The following RORA variants were observed in gnomAD, a reference collection of about 807,000 sequenced individuals.
RORA encodes RAR related orphan receptor A, also known as nuclear receptor ROR-alpha.
Under a neutral mutation model 69.5 loss-of-function variants are expected in RORA, and 7 were observed. The ratio of observed to expected loss-of-function variants is 0.10; its 90% CI spans 0.06 to 0.19. The LOEUF (loss-of-function observed/expected upper bound fraction) is 0.19. RORA is among the 10% of genes least tolerant of loss of function. RORA has a pLI of 1.00. For synonymous variants in RORA, 261 were observed against 240.8 expected (o/e 1.08, Z -0.78); for missense variants, 457 against 663.0 (o/e 0.69, Z 3.41).
chr15:60,516,669 T>TG (rs1343652770), intron 3 of RORA, among the ~76,000 whole-genome samples: 1 of 152,108 alleles, frequency 6.6e-6, no homozygotes, highest in Non-Finnish European at 1.5e-5. Context: ...ATTTGGCAGT[T>TG]GTATCAAAAA....
chr15:61,000,480 G>C (rs1024706948), intron 1 of RORA, among the ~76,000 whole-genome samples: 2 of 152,152 alleles, frequency 1.3e-5, no homozygotes, highest in Admixed American at 6.5e-5. Flanking sequence ...CAGGATCACA[G>C]GTTCAAAGGC....
intron 1 of RORA, among the ~76,000 whole-genome samples, chr15:60,856,634 AG>A (rs2073383703): frequency 6.6e-6 from 1 of 152,232 alleles, no homozygotes; most frequent in Non-Finnish European, 1.5e-5. Flanking sequence ...GCTTGAATCA[AG>A]GGGGAAGAAA....
At chr15:60,745,768 A>G (rs1376107360) in intron 1 of RORA, among the ~76,000 whole-genome samples, 1 of 152,108 alleles carries the variant, frequency 6.6e-6, no homozygotes, top group Non-Finnish European at 1.5e-5. Context: ...CACCTGCTTC[A>G]TTTTTTTCCC....
At chr15:60,720,211 G>T (rs553967050) in intron 1 of RORA, among the ~76,000 whole-genome samples, 18 of 152,230 alleles carry the variant, frequency 1.2e-4, no homozygotes, top group African/African-American at 3.4e-4. Flanking sequence ...ACCCATGAAG[G>T]TCTCTTGAGT....
intron 1 of RORA, among the ~76,000 whole-genome samples, chr15:60,993,687 T>C (rs945263357): frequency 6.8e-6 from 1 of 147,662 alleles, no homozygotes; most frequent in Non-Finnish European, 1.5e-5. Flanking sequence ...CTACCTTAAA[T>C]GTTGTAGATA....
intron 1 of RORA, among the ~76,000 whole-genome samples, chr15:60,880,377 A>G (rs2073665278): frequency 6.6e-6 from 1 of 152,244 alleles, no homozygotes; most frequent in Non-Finnish European, 1.5e-5. Context: ...ACGGTGGCTC[A>G]TGCCTATAAT....
chr15:61,039,728 G>C (rs974830137), intron 1 of RORA, among the ~76,000 whole-genome samples: 4 of 139,242 alleles, frequency 2.9e-5, no homozygotes, highest in African/African-American at 1.1e-4. Flanking sequence ...CTGGGCGACA[G>C]AGTGAGACTC....
chr15:60,609,739 G>T (rs1466965689), intron 2 of RORA, among the ~76,000 whole-genome samples: 1 of 152,198 alleles, frequency 6.6e-6, no homozygotes, highest in African/African-American at 2.4e-5. Flanking sequence ...CCAAAGAGGG[G>T]TCTCCACGGT....
chr15:60,710,445 G>A (rs982090052), intron 1 of RORA, among the ~76,000 whole-genome samples: 1 of 152,074 alleles, frequency 6.6e-6, no homozygotes, highest in Non-Finnish European at 1.5e-5. Context: ...CCGAGATGGC[G>A]CCATTGCACT....
At chr15:61,155,711 A>T (rs1402581358) in intron 1 of RORA, among the ~76,000 whole-genome samples, 1 of 152,190 alleles carries the variant, frequency 6.6e-6, no homozygotes, top group Non-Finnish European at 1.5e-5. Context: ...GGGAAAAAAA[A>T]TAATAGTTTC....
chr15:61,068,935 T>A (rs931174228), intron 1 of RORA, among the ~76,000 whole-genome samples: 69 of 152,348 alleles, frequency 4.5e-4, no homozygotes, highest in African/African-American at 1.6e-3. Context: ...CATTTCCCCC[T>A]GACAATATAG....
chr15:60,778,627 G>C (rs1352610082), intron 1 of RORA, among the ~76,000 whole-genome samples: 1 of 152,062 alleles, frequency 6.6e-6, no homozygotes, highest in Non-Finnish European at 1.5e-5. Flanking sequence ...GAAGGTAGGG[G>C]GTCAGGAACT....
intron 1 of RORA, among the ~76,000 whole-genome samples, chr15:60,763,096 T>TTTTTA (rs375632043): frequency 0.027 from 2,920 of 109,156 alleles, 299 homozygotes; most frequent in Non-Finnish European, 0.044. Context: ...TTTTTTTTTT[T>TTTTTA]AACCAACCTA....
chr15:60,644,014 T>C (rs1472297208), intron 2 of RORA, among the ~76,000 whole-genome samples: 2 of 151,996 alleles, frequency 1.3e-5, no homozygotes, highest in African/African-American at 4.8e-5. Flanking sequence ...TCCCAGGAAG[T>C]TACTAGAATA....
intron 1 of RORA, among the ~76,000 whole-genome samples, chr15:61,112,718 C>T (rs937472520): frequency 2.6e-5 from 4 of 152,188 alleles, no homozygotes; most frequent in African/African-American, 9.7e-5. Flanking sequence ...TTCCAACTAC[C>T]TGCAGGGACA....
chr15:60,731,424 G>C (rs1202295897), intron 1 of RORA, among the ~76,000 whole-genome samples: 1 of 152,152 alleles, frequency 6.6e-6, no homozygotes, highest in African/African-American at 2.4e-5. Context: ...TCTGGTGAAA[G>C]AAGATTCTGA....
chr15:61,168,947 T>C (rs1050153503), intron 1 of RORA, among the ~76,000 whole-genome samples: 1 of 152,190 alleles, frequency 6.6e-6, no homozygotes, highest in Admixed American at 6.5e-5. Context: ...CTCTCAATTA[T>C]TACTCATTTC....
At chr15:60,800,731 C>G (rs754698034) in intron 1 of RORA, among the ~76,000 whole-genome samples, 3 of 152,164 alleles carry the variant, frequency 2.0e-5, no homozygotes, top group Non-Finnish European at 4.4e-5. Context: ...TCCCAGCCCC[C>G]CAAACTCCTA....
intron 1 of RORA, among the ~76,000 whole-genome samples, chr15:61,122,202 C>T (rs2079110341): frequency 6.6e-6 from 1 of 152,092 alleles, no homozygotes; most frequent in Admixed American, 6.5e-5. Flanking sequence ...CTGAAAAGTT[C>T]GGGAAGACAT....
Sources: allele counts gnomAD v4.1 joint callset (sites outside exome capture counted in the v4.1 genomes callset), GRCh38; gene constraint gnomAD v4.1.1; transcripts MANE v1.5; gene names NCBI Gene and HGNC (gene_info 2026-07-23, HGNC 2026-07-21).